GABRB3: variants seen among roughly 807,000 people sequenced by gnomAD.
GABRB3 encodes the protein gamma-aminobutyric acid receptor subunit beta-3.
In GABRB3, 14 loss-of-function variants were observed where a neutral mutation model predicts 52.1. That is an observed-to-expected ratio of 0.27 (90% CI 0.18 to 0.42). GABRB3 has a LOEUF of 0.42. Among genes scored for constraint, GABRB3 ranks in the 10% least tolerant of loss-of-function variants. GABRB3 has a pLI of 1.00. For missense variants in GABRB3, 307 were observed against 609.1 expected (o/e 0.50, Z 5.22); for synonymous variants, 260 against 232.3 (o/e 1.12, Z -1.08).
intron 3 of GABRB3, among the ~76,000 whole-genome samples, chr15:26,761,789 C>T (rs894510858): frequency 6.6e-6 from 1 of 152,088 alleles, no homozygotes; most frequent in Non-Finnish European, 1.5e-5. Flanking sequence ...TTGTTGACGC[C>T]TCTTGCACTT....
chr15:26,623,394 T>C (rs1054905500), intron 3 of GABRB3, among the ~76,000 whole-genome samples: 2 of 152,190 alleles, frequency 1.3e-5, no homozygotes, highest in African/African-American at 2.4e-5. Flanking sequence ...TGTGTTCTGA[T>C]GCTTTGATCT....
At chr15:26,721,405 C>T (rs148906274) in intron 3 of GABRB3, among the ~76,000 whole-genome samples, 30 of 152,042 alleles carry the variant, frequency 2.0e-4, no homozygotes, top group African/African-American at 6.3e-4. Flanking sequence ...GAGAGGCGCC[C>T]GCTGAAATCT....
intron 4 of GABRB3, among the ~76,000 whole-genome samples, chr15:26,616,894 A>G (rs1295719196): frequency 6.6e-6 from 1 of 152,128 alleles, no homozygotes; most frequent in Non-Finnish European, 1.5e-5. Flanking sequence ...ATTTTAACAG[A>G]GTTAAAGCTC....
At chr15:26,615,178 T>A (rs1373611056) in intron 4 of GABRB3, 1 of 601,792 alleles carries the variant, frequency 1.7e-6, no homozygotes, top group Non-Finnish European at 2.1e-6. Flanking sequence ...AGAAGAAAAC[T>A]TCAGTGCAGC....
chr15:26,651,065 G>T (rs1325398840), intron 3 of GABRB3, among the ~76,000 whole-genome samples: 2 of 152,192 alleles, frequency 1.3e-5, no homozygotes, highest in African/African-American at 4.8e-5. Context: ...ACCCAAAAAG[G>T]CTGTTACACA....
At chr15:26,685,819 C>A in intron 3 of GABRB3, among the ~76,000 whole-genome samples, 1 of 125,718 alleles carries the variant, frequency 8.0e-6, no homozygotes, top group African/African-American at 2.6e-5. Flanking sequence ...TTTTTTTTGC[C>A]CTAGAGACGG....
intron 8 of GABRB3, among the ~76,000 whole-genome samples, chr15:26,558,991 G>A (rs930702140): frequency 3.3e-5 from 5 of 152,294 alleles, no homozygotes; most frequent in Admixed American, 1.3e-4. Context: ...TTATAATCAT[G>A]GCAGAAGGTA....
intron 3 of GABRB3, among the ~76,000 whole-genome samples, chr15:26,721,732 C>T (rs1031319463): frequency 6.6e-6 from 1 of 151,880 alleles, no homozygotes; most frequent in Non-Finnish European, 1.5e-5. Flanking sequence ...AAATATAGAG[C>T]CCACCTCAAA....
intron 7 of GABRB3, among the ~76,000 whole-genome samples, chr15:26,565,363 G>A (rs1008684289): frequency 3.3e-5 from 5 of 152,038 alleles, no homozygotes; most frequent in Non-Finnish European, 4.4e-5. Context: ...TTCTTGTCTG[G>A]CCAGACCCAC....
intron 3 of GABRB3, among the ~76,000 whole-genome samples, chr15:26,693,475 GGT>G: frequency 6.6e-6 from 1 of 151,266 alleles, no homozygotes; most frequent in East Asian, 2.0e-4. Flanking sequence ...CCACCAGAGC[GGT>G]ATTTCCACCA....
At chr15:26,695,966 G>A (rs17738278) in intron 3 of GABRB3, among the ~76,000 whole-genome samples, 10,496 of 152,192 alleles carry the variant, frequency 0.069, 678 homozygotes, top group East Asian at 0.4. Flanking sequence ...TTTCTTCCAC[G>A]GTAGGTTTAA....
Position 26,561,003 on chromosome 15 carries a change from G to C in GABRB3, c.1009C>G (p.Gln337Glu). 1 of 1,614,140 alleles carries C rather than the reference G, an allele frequency of 6.2e-7. No homozygotes were observed. Among genetic ancestry groups the C allele is most frequent in the Admixed American group, 1.7e-5 (1 of 60,024 alleles). The change falls in exon 8 of 9, where the codon CAA (glutamine) becomes GAA (glutamate). Residue 337 changes from glutamine to glutamate, a missense_variant. By Grantham distance (29) the Gln-to-Glu change is conservative. Coordinates refer to ENST00000311550, the MANE Select transcript of GABRB3 (RefSeq NM_000814.6). ...TTTTCTGCAAGCTTCTTCTGCCTTTGAGGGCCTCTTCCAAAGAAAATGTAG... is the reference window on the plus strand; with the variant it reads ...TTTTCTGCAAGCTTCTTCTGCCTTTCAGGGCCTCTTCCAAAGAAAATGTAG... Reference protein sequence around the residue: ...VNYIFFGRGPQRQKKLAEKTA... With the variant: ...VNYIFFGRGPERQKKLAEKTA...
intron 8 of GABRB3, among the ~76,000 whole-genome samples, chr15:26,553,216 T>C (rs1889545170): frequency 6.6e-6 from 1 of 152,208 alleles, no homozygotes; most frequent in Non-Finnish European, 1.5e-5. Context: ...AGTGGCGCGA[T>C]CTCGGCTCAC....
chr15:26,644,454 G>A (rs956176029), intron 3 of GABRB3, among the ~76,000 whole-genome samples: 1 of 152,186 alleles, frequency 6.6e-6, no homozygotes, highest in Non-Finnish European at 1.5e-5. Flanking sequence ...TGAAGGAGGA[G>A]GCAGAGATCA....
intron 7 of GABRB3, among the ~76,000 whole-genome samples, chr15:26,566,190 C>T (rs1890166066): frequency 6.6e-6 from 1 of 152,042 alleles, no homozygotes; most frequent in Non-Finnish European, 1.5e-5. Context: ...ACAATTAAAA[C>T]AGCACTTTCA....
chr15:26,568,576 C>A (rs1474947660), intron 6 of GABRB3, among the ~76,000 whole-genome samples: 3 of 149,924 alleles, frequency 2.0e-5, no homozygotes, highest in Non-Finnish European at 4.4e-5. Context: ...TGGCTCACTG[C>A]AACCTCCACC....
At chr15:26,649,695 T>TGTGTGA (rs1277727985) in intron 3 of GABRB3, among the ~76,000 whole-genome samples, 18 of 149,068 alleles carry the variant, frequency 1.2e-4, no homozygotes, top group African/African-American at 3.7e-4. Context: ...TGTGTGTGTG[T>TGTGTGA]GAAATTAGAG....
chr15:26,597,340 A>G (rs1302031142), intron 4 of GABRB3, among the ~76,000 whole-genome samples: 1 of 152,228 alleles, frequency 6.6e-6, no homozygotes, highest in Admixed American at 6.5e-5. Context: ...GGGAACTTGG[A>G]AATAGATTTC....
chr15:26,762,108 G>C (rs759657955), intron 3 of GABRB3, among the ~76,000 whole-genome samples: 1 of 152,064 alleles, frequency 6.6e-6, no homozygotes, highest in East Asian at 1.9e-4. Context: ...CTGGGATTAC[G>C]GGCATAAAAC....
Sources: allele counts gnomAD v4.1 joint callset (sites outside exome capture counted in the v4.1 genomes callset), GRCh38; gene constraint gnomAD v4.1.1; transcripts MANE v1.5; gene names NCBI Gene and HGNC (gene_info 2026-07-23, HGNC 2026-07-21).